The following INPP4B variants were observed in gnomAD, a reference collection of about 807,000 sequenced individuals.
The protein encoded by INPP4B is inositol polyphosphate-4-phosphatase type II B, also known as inositol polyphosphate 4-phosphatase type II.
A neutral mutation model predicts 122.5 loss-of-function variants in INPP4B; 55 were observed. The ratio of observed to expected loss-of-function variants is 0.45; its 90% CI spans 0.36 to 0.56. The LOEUF (loss-of-function observed/expected upper bound fraction) is 0.56. Among genes scored for constraint, INPP4B ranks in the 20% least tolerant of loss-of-function variants. INPP4B has a pLI of 0.00. For synonymous variants in INPP4B, 403 were observed against 388.7 expected (o/e 1.04, Z -0.43); for missense variants, 1,000 against 1,097.7 (o/e 0.91, Z 1.26).
intron 7 of INPP4B, among the ~76,000 whole-genome samples, chr4:142,392,391 A>G (rs1797998336): frequency 2.0e-5 from 3 of 152,226 alleles, no homozygotes; most frequent in Admixed American, 2.0e-4. Flanking sequence ...CTTATGGCAT[A>G]TACTTTTATT....
intron 1 of INPP4B, among the ~76,000 whole-genome samples, chr4:142,830,896 C>T (rs1237340024): frequency 1.3e-5 from 2 of 150,958 alleles, no homozygotes; most frequent in Non-Finnish European, 2.9e-5. Context: ...GTAGCATATG[C>T]CTGTAGTCCC....
intron 7 of INPP4B, among the ~76,000 whole-genome samples, chr4:142,374,360 A>C (rs1791047898): frequency 6.6e-6 from 1 of 151,904 alleles, no homozygotes; most frequent in Admixed American, 6.6e-5. Context: ...TTTTCTTATA[A>C]CTTTTCTTTC....
chr4:142,348,515 G>C (rs1366804070), intron 7 of INPP4B, among the ~76,000 whole-genome samples: 1 of 152,010 alleles, frequency 6.6e-6, no homozygotes, highest in Non-Finnish European at 1.5e-5. Context: ...ATGGTGAAGA[G>C]ACACTAAAAA....
intron 7 of INPP4B, among the ~76,000 whole-genome samples, chr4:142,320,230 C>A (rs1040732085): frequency 1.3e-5 from 2 of 152,136 alleles, no homozygotes; most frequent in Non-Finnish European, 2.9e-5. Flanking sequence ...AAGAACTCAC[C>A]CTCTTTTAAA....
At chr4:142,102,384 A>G (rs946173419) in intron 23 of INPP4B, among the ~76,000 whole-genome samples, 4 of 151,938 alleles carry the variant, frequency 2.6e-5, no homozygotes, top group Non-Finnish European at 5.9e-5. Flanking sequence ...TAATTATTCT[A>G]AAAGAATTTA....
chr4:142,031,473 A>G (rs562816698), intron 25 of INPP4B, among the ~76,000 whole-genome samples: 1 of 152,340 alleles, frequency 6.6e-6, no homozygotes, highest in Non-Finnish European at 1.5e-5. Context: ...AATTAGTGTA[A>G]AACACCAAAT....
intron 25 of INPP4B, among the ~76,000 whole-genome samples, chr4:142,054,644 A>G (rs1756617846): frequency 6.6e-6 from 1 of 151,800 alleles, no homozygotes; most frequent in African/African-American, 2.4e-5. Context: ...ACTGGACTGG[A>G]TCTACAACAT....
intron 7 of INPP4B, among the ~76,000 whole-genome samples, chr4:142,363,116 T>C (rs956685567): frequency 1.4e-4 from 22 of 151,992 alleles, no homozygotes; most frequent in African/African-American, 5.3e-4. Flanking sequence ...GAACCATCAG[T>C]AGAGGGAAGG....
At chr4:142,672,470 A>G (rs1449362692) in intron 2 of INPP4B, among the ~76,000 whole-genome samples, 1 of 152,102 alleles carries the variant, frequency 6.6e-6, no homozygotes, top group Non-Finnish European at 1.5e-5. Context: ...ATTTAGTAGT[A>G]TTCCCTTGTG....
chr4:142,244,497 G>C (rs1726865293), intron 11 of INPP4B, among the ~76,000 whole-genome samples: 1 of 151,758 alleles, frequency 6.6e-6, no homozygotes, highest in Admixed American at 6.6e-5. Flanking sequence ...TAGAGGCAGG[G>C]TTTCACTGTG....
chr4:142,062,318 T>C (rs765198070), intron 25 of INPP4B, among the ~76,000 whole-genome samples: 14 of 149,518 alleles, frequency 9.4e-5, no homozygotes, highest in Non-Finnish European at 1.3e-4. Flanking sequence ...CACACCATCA[T>C]ACCAGGGAGA....
At chr4:142,097,636 C>G (rs1415386309) in intron 23 of INPP4B, among the ~76,000 whole-genome samples, 1 of 152,086 alleles carries the variant, frequency 6.6e-6, no homozygotes, top group Non-Finnish European at 1.5e-5. Flanking sequence ...GCCCACAATG[C>G]TAGAATTATT....
intron 7 of INPP4B, chr4:142,317,486 A>G: frequency 3.6e-6 from 1 of 280,030 alleles, no homozygotes; most frequent in Non-Finnish European, 7.4e-6. Flanking sequence ...TGAGTATTCC[A>G]ACGCGCATTA....
intron 2 of INPP4B, among the ~76,000 whole-genome samples, chr4:142,603,004 GA>G (rs1369270195): frequency 3.9e-5 from 6 of 152,066 alleles, no homozygotes; most frequent in Non-Finnish European, 8.8e-5. Context: ...TGATAGACTG[GA>G]TAAAGAAAAT....
At chr4:142,618,551 C>A (rs1744183217) in intron 2 of INPP4B, among the ~76,000 whole-genome samples, 1 of 151,940 alleles carries the variant, frequency 6.6e-6, no homozygotes, top group South Asian at 2.1e-4. Context: ...TAAAACTGGA[C>A]CCTTTTCTTC....
rs138354538 is a variant in INPP4B at position 142,725,792 on chromosome 4, GTAGAGT to G, written c.-191+41_-191+46del. On this transcript the variant is annotated intron_variant, in intron 2 of 25. Transcript: ENST00000262992. The stretch of plus-strand genomic sequence containing the variant: ...ATCAAGGAAAGTCAACTAGTTTCAT[GTAGAGT>G]TATACAGAATGAAAAAATATCAATT... The G allele has an allele frequency of 1.6e-3, 616 of 397,368 alleles. 1 individual carries two copies. Among genetic ancestry groups the G allele is most frequent in the Admixed American group, 3.1e-3 (71 of 22,706 alleles). 24.6% of individuals were successfully genotyped at this position (397,368 alleles called of 1,614,324 possible).
intron 11 of INPP4B, among the ~76,000 whole-genome samples, chr4:142,240,693 C>A (rs542894809): frequency 6.6e-6 from 1 of 152,038 alleles, no homozygotes; most frequent in Non-Finnish European, 1.5e-5. Flanking sequence ...ACTTTGCAAC[C>A]CAGTTTGACC....
intron 1 of INPP4B, chr4:142,795,744 CA>C (rs1308361429): frequency 1.3e-5 from 2 of 151,848 alleles, no homozygotes; most frequent in African/African-American, 2.4e-5. Flanking sequence ...TCAATGCGGC[CA>C]AAAAAACTAT....
At position 142,262,629 on chromosome 4, in the gene INPP4B, G is replaced by T. The variant is rs779111237; in HGVS notation, c.616-2065C>A. Among the ~76,000 whole-genome samples the T allele has an allele frequency of 6.2e-4, 94 of 151,938 alleles. 2 individuals carry two copies. Among genetic ancestry groups the T allele is most frequent in the Non-Finnish European group, 1.8e-4 (12 of 67,998 alleles). The stretch of plus-strand genomic sequence containing the variant: ...TTTTAATTGTTTTCTTCCCCTGAAG[G>T]TACCATCTGTGTCTCTCTGGTTCAT... On this transcript the variant is annotated intron_variant, in intron 10 of 25. Coordinates refer to ENST00000262992, the MANE Select transcript of INPP4B (RefSeq NM_001101669.3).
Sources: allele counts gnomAD v4.1 joint callset (sites outside exome capture counted in the v4.1 genomes callset), GRCh38; gene constraint gnomAD v4.1.1; transcripts MANE v1.5; gene names NCBI Gene and HGNC (gene_info 2026-07-23, HGNC 2026-07-21).